Variants in DESI2 observed in about 807,000 individuals in gnomAD.
The protein encoded by DESI2 is desumoylating isopeptidase 2, also known as deubiquitinase DESI2.
In DESI2, 10 loss-of-function variants were observed where a neutral mutation model predicts 24.1. The observed-to-expected ratio is 0.41, with a 90% CI of 0.26 to 0.70. The LOEUF is 0.70. Ranked by LOEUF, DESI2 falls within the 30% of genes least tolerant of loss-of-function variation. DESI2 has a pLI of 0.29. For synonymous variants in DESI2, 71 were observed against 87.7 expected, an observed-to-expected ratio of 0.81 and a Z score of 1.06; for missense variants, 122 against 234.9, an observed-to-expected ratio of 0.52 and a Z score of 3.14.
intron 4 of DESI2, among the ~76,000 whole-genome samples, chr1:244,705,292 G>C (rs915499131): frequency 5.3e-5 from 8 of 152,318 alleles, no homozygotes; most frequent in African/African-American, 1.9e-4. Context: ...AAGGAGCCAA[G>C]TGAAATTAGC....
chr1:244,683,604 C>T (rs1272194836), intron 1 of DESI2, among the ~76,000 whole-genome samples: 1 of 152,226 alleles, frequency 6.6e-6, no homozygotes, highest in Non-Finnish European at 1.5e-5. Flanking sequence ...AGCCACCGCG[C>T]CCAGCCTTTT....
At position 244,681,882 on chromosome 1, in the gene DESI2, G is replaced by A. The variant is rs545618874; in HGVS notation, c.43-4715G>A. Among the ~76,000 whole-genome samples, 26 of 152,212 alleles carry A rather than the reference G, an allele frequency of 1.7e-4. No individual in the cohort carries two copies. The East Asian group carries it at 4.1e-3, about 24-fold the overall frequency. On this transcript the variant is annotated intron_variant, in intron 1 of 4. Transcript: ENST00000302550. The stretch of plus-strand genomic sequence containing the variant: ...TCTGTTTCCAGAATTGGTTCCTTCC[G>A]GTGGGTTCTTGGTCTCACTGACTTC...
intron 1 of DESI2, 38 bp downstream of exon 1, chr1:244,653,393 G>T (rs200428195): frequency 2.0e-6 from 3 of 1,537,852 alleles, no homozygotes; most frequent in Middle Eastern, 1.7e-4. Flanking sequence ...CCCTGGCCCA[G>T]GCCGGCTTCC....
Position 244,655,333 on chromosome 1 carries a change from A to G in DESI2, c.42+1978A>G, listed in dbSNP as rs76511767. ...ATCTTCTCTACTAATTCCTGCACTT[A>G]TGTCTTTATATTGCTTTTGCCTGTG... On this transcript the variant is annotated intron_variant, in intron 1 of 4. Coordinates refer to ENST00000302550, the MANE Select transcript of DESI2 (RefSeq NM_016076.5). Among the ~76,000 whole-genome samples the G allele has an allele frequency of 2.0e-5, 3 of 152,330 alleles. No individual in the cohort carries two copies. In the South Asian group the frequency reaches 6.2e-4, roughly 32 times the overall value.
At chr1:244,653,393 G>A (rs200428195) in intron 1 of DESI2, 38 bp downstream of exon 1, 314 of 1,537,734 alleles carry the variant, frequency 2.0e-4, no homozygotes, top group Non-Finnish European at 2.6e-4. Flanking sequence ...CCCTGGCCCA[G>A]GCCGGCTTCC....
rs774235264 is a variant in DESI2, at chr1:244,708,802, TTC to T, written c.*3017_*3018del. ...GATCAGTTAGTAGGCTTTCGTTGTC[TTC>T]TCTTTCAATACATGTACATCTTTAC... is the stretch of plus-strand genomic sequence containing the variant. On this transcript the variant is annotated 3_prime_UTR_variant, in exon 5 of 5. Transcript: ENST00000302550. 1 of 152,672 alleles carries T rather than the reference TTC, an allele frequency of 6.5e-6. No homozygotes were observed. Among genetic ancestry groups the T allele is most frequent in the Non-Finnish European group, 1.5e-5 (1 of 68,038 alleles). 9.5% of individuals were successfully genotyped at this position (152,672 alleles called of 1,614,324 possible).
chr1:244,667,773 C>T (rs1389305758), intron 1 of DESI2, among the ~76,000 whole-genome samples: 2 of 152,204 alleles, frequency 1.3e-5, no homozygotes, highest in Admixed American at 1.3e-4. Context: ...TGGTTTAGGG[C>T]TCTCACCTGT....
chr1:244,701,207 TCCCCTCCACCC>T (rs1419950594), intron 4 of DESI2, among the ~76,000 whole-genome samples: 33 of 39,604 alleles, frequency 8.3e-4, no homozygotes, highest in East Asian at 8.0e-3. Flanking sequence ...TGGACCACCT[TCCCCTCCACCC>T]CCCCCCCCCC....
intron 1 of DESI2, among the ~76,000 whole-genome samples, chr1:244,679,681 G>C (rs1176045452): frequency 6.6e-6 from 1 of 151,982 alleles, no homozygotes; most frequent in African/African-American, 2.4e-5. Flanking sequence ...GACCAATCTG[G>C]CCAACATGCC....
intron 1 of DESI2, among the ~76,000 whole-genome samples, chr1:244,676,987 A>G (rs966501140): frequency 1.4e-5 from 2 of 146,808 alleles, no homozygotes; most frequent in African/African-American, 5.0e-5. Flanking sequence ...GGGTCATGTT[A>G]TATAATCCTT....
chr1:244,684,304 T>G (rs1676736269), intron 1 of DESI2, among the ~76,000 whole-genome samples: 1 of 152,206 alleles, frequency 6.6e-6, no homozygotes, highest in Non-Finnish European at 1.5e-5. Flanking sequence ...CAAACAATCC[T>G]GAATGTATGG....
chr1:244,661,357 G>T (rs1163948010), intron 1 of DESI2, among the ~76,000 whole-genome samples: 1 of 152,066 alleles, frequency 6.6e-6, no homozygotes, highest in African/African-American at 2.4e-5. Flanking sequence ...CCTTTTTAAG[G>T]CTGAGTAATA....
chr1:244,689,936 G>T lies in DESI2; in HGVS notation c.209+594G>T, dbSNP rs1450669832. On this transcript the variant is annotated intron_variant, in intron 3 of 4. Transcript: ENST00000302550. This position sits in a 1 kb window ranked among gnomAD's most constrained non-coding sequence, Gnocchi z 4.0. ...TCCCAATGAAAGGGACACTTTACAC[G>T]TTTGAAATAATTAAACAGTTGATTA... is the stretch of plus-strand genomic sequence containing the variant. Among the ~76,000 whole-genome samples the T allele has an allele frequency of 6.6e-6, 1 of 152,158 alleles. No individual in the cohort carries two copies. The highest frequency in any genetic ancestry group is 1.5e-5 in the Non-Finnish European group (1 of 68,030).
In DESI2 at chr1:244,706,004, A is replaced by G; in HGVS notation, c.*215A>G. 3.7e-6 allele frequency: 2 copies of G among 541,896 alleles called. No homozygotes were observed. Among genetic ancestry groups the G allele is most frequent in the Non-Finnish European group, 6.6e-6 (2 of 305,300 alleles). The allele number at this position is 541,896 out of a possible 1,614,324, so 33.6% of individuals were successfully genotyped here. On this transcript the variant is annotated 3_prime_UTR_variant, in exon 5 of 5. Coordinates refer to ENST00000302550, the MANE Select transcript of DESI2 (RefSeq NM_016076.5). ...TAAGAAGCTGCCCTCTGTTTTTTTT[A>G]TCCACTCGTAAATCTGGATTTATTT... is the stretch of plus-strand genomic sequence containing the variant.
At chr1:244,683,666 G>C (rs1676712283) in intron 1 of DESI2, among the ~76,000 whole-genome samples, 1 of 151,820 alleles carries the variant, frequency 6.6e-6, no homozygotes, top group Non-Finnish European at 1.5e-5. Context: ...ATATATCCTG[G>C]AAATTACTTC....
intron 1 of DESI2, among the ~76,000 whole-genome samples, chr1:244,662,592 C>G (rs980395318): frequency 6.6e-6 from 1 of 151,942 alleles, no homozygotes; most frequent in Non-Finnish European, 1.5e-5. Context: ...TCTAAACTGT[C>G]TATTAAACAG....
chr1:244,686,081 G>A (rs1169075646), intron 1 of DESI2, among the ~76,000 whole-genome samples: 1 of 152,110 alleles, frequency 6.6e-6, no homozygotes, highest in Non-Finnish European at 1.5e-5. Flanking sequence ...TTTGTGCATT[G>A]TTTATTCTTA....
At position 244,707,145 on chromosome 1, in the gene DESI2, C is replaced by T. The variant is rs968596545; in HGVS notation, c.*1356C>T. On this transcript the variant is annotated 3_prime_UTR_variant, in exon 5 of 5. Transcript: ENST00000302550. ...ACACTATCCAAGGCAGTGACTTCAGCTTTATATACATATAAAATATAGTTA... is the reference window on the plus strand; with the variant it reads ...ACACTATCCAAGGCAGTGACTTCAGTTTTATATACATATAAAATATAGTTA... 1 of 152,598 alleles carries T rather than the reference C, an allele frequency of 6.6e-6. No individual in the cohort carries two copies. Among genetic ancestry groups the T allele is most frequent in the African/African-American group, 2.4e-5 (1 of 41,436 alleles). The allele number at this position is 152,598 out of a possible 1,614,324, so 9.5% of individuals were successfully genotyped here. A position where few individuals can be genotyped will look rare whatever the true frequency, so the allele number is the denominator to read the frequency against.
rs1367647121 is a variant in DESI2, at chr1:244,707,194, T to G, written c.*1405T>G. On this transcript the variant is annotated 3_prime_UTR_variant, in exon 5 of 5. Transcript: ENST00000302550. ...TAGTTTTAAAATTATTGACATTTAT[T>G]TAAACTTTTAGATTGGATTGTTTGC... 1 of 152,624 alleles carries G rather than the reference T, an allele frequency of 6.6e-6. No homozygotes were observed. The highest frequency in any genetic ancestry group is 1.5e-5 in the Non-Finnish European group (1 of 68,048). The allele number at this position is 152,624 out of a possible 1,614,324, so 9.5% of individuals were successfully genotyped here.
Sources: gnomAD v4.1 joint callset for allele counts (sites outside exome capture counted in the v4.1 genomes callset) on GRCh38, gnomAD v4.1.1 for gene constraint, Gnocchi (gnomAD v3.1) non-coding constraint, MANE v1.5 for transcripts, NCBI Gene and HGNC (gene_info 2026-07-23, HGNC 2026-07-21) for gene names.